Variants in PIP5KL1 observed in about 807,000 individuals in gnomAD.
PIP5KL1 encodes phosphatidylinositol-4-phosphate 5-kinase like 1.
Under a neutral mutation model 47.6 loss-of-function variants are expected in PIP5KL1, and 45 were observed. The ratio of observed to expected loss-of-function variants is 0.94; its 90% CI spans 0.74 to 1.21. The LOEUF is 1.21. PIP5KL1 is among the 50% of genes most tolerant of loss of function. The pLI, the probability that PIP5KL1 is intolerant of heterozygous loss-of-function variation, is 0.00. For synonymous variants in PIP5KL1, 256 were observed against 234.6 expected, an observed-to-expected ratio of 1.09 and a Z score of -0.84; for missense variants, 577 against 547.6, an observed-to-expected ratio of 1.05 and a Z score of -0.54.
intron 3 of PIP5KL1, 66 bp downstream of exon 3, chr9:127,928,367 G>A (rs1343300336): frequency 5.2e-6 from 8 of 1,550,722 alleles, no homozygotes; most frequent in Non-Finnish European, 6.1e-6. Context: ...GCACAGATGG[G>A]AAAACTGCAG....
At position 127,927,258 on chromosome 9, in the gene PIP5KL1, G is replaced by T. The variant is rs770666251; in HGVS notation, c.594+39C>A. 5.6e-6 allele frequency: 9 copies of T among 1,610,860 alleles called. No individual in the cohort carries two copies. Among genetic ancestry groups the T allele is most frequent in the Non-Finnish European group, 5.9e-6 (7 of 1,179,140 alleles). Reference sequence around the variant, plus strand: ...GGAGGCCGGCTGTCGCCCTCCAGCCGCCCGCTCCGCCCAGCCACCTCGCCT... The same window carrying T: ...GGAGGCCGGCTGTCGCCCTCCAGCCTCCCGCTCCGCCCAGCCACCTCGCCT... On this transcript the variant is annotated intron_variant, in intron 6 of 9. Coordinates refer to ENST00000388747, the MANE Select transcript of PIP5KL1 (RefSeq NM_001135219.2). This position sits in a 1 kb window ranked among gnomAD's most constrained non-coding sequence, Gnocchi z 5.5.
chr9:127,921,699 G>T lies in PIP5KL1; in HGVS notation c.*148C>A. The T allele has an allele frequency of 8.9e-7, 1 of 1,128,734 alleles. No homozygotes were observed. The highest frequency in any genetic ancestry group is 1.2e-6 in the Non-Finnish European group (1 of 820,360). 69.9% of individuals were successfully genotyped at this position (1,128,734 alleles called of 1,614,324 possible). Reference sequence around the variant, plus strand: ...GCTGGGCACGGCACCACCGTCAAACGGGACTGCGCGGTTACGGTATTAGTT... The same window carrying T: ...GCTGGGCACGGCACCACCGTCAAACTGGACTGCGCGGTTACGGTATTAGTT... On this transcript the variant is annotated 3_prime_UTR_variant, in exon 10 of 10. Coordinates refer to ENST00000388747, the MANE Select transcript of PIP5KL1 (RefSeq NM_001135219.2).
intron 8 of PIP5KL1, chr9:127,925,663 A>G: frequency 1.8e-6 from 1 of 565,658 alleles, no homozygotes; most frequent in Non-Finnish European, 3.2e-6. Flanking sequence ...ACAGAGTTTC[A>G]GCATCTTGGC....
chr9:127,926,046 C>G, intron 7 of PIP5KL1, 67 bp from the exon 8 acceptor site: 2 of 1,115,456 alleles, frequency 1.8e-6, no homozygotes, highest in Non-Finnish European at 2.6e-6. Context: ...ACAAGAGCTT[C>G]CAGTGACTAC....
rs755154527 is a variant in PIP5KL1, at chr9:127,929,516, C to G, written c.228+172G>C. ...CCTGAGTCAGGGGGTTCCTCACACCCCCAACGCACCCCAGACGTTCCAGCT... is the reference window on the plus strand; with the variant it reads ...CCTGAGTCAGGGGGTTCCTCACACCGCCAACGCACCCCAGACGTTCCAGCT... On this transcript the variant is annotated intron_variant, in intron 2 of 9. Coordinates refer to ENST00000388747, the MANE Select transcript of PIP5KL1 (RefSeq NM_001135219.2). The surrounding 1 kb of genome is among the most constrained non-coding windows in gnomAD (Gnocchi z 4.0). Among the ~76,000 whole-genome samples, 4 of 152,076 alleles carry G rather than the reference C, an allele frequency of 2.6e-5. No homozygotes were observed. The highest frequency in any genetic ancestry group is 5.9e-5 in the Non-Finnish European group (4 of 68,000).
In PIP5KL1 at chr9:127,927,151, A is replaced by G. The variant is rs1284605639; in HGVS notation, c.650+2T>C. Reference sequence around the variant, plus strand: ...GGGCCCAAACCTGCTTAGGCCACTCACCTCTCGGAGATGCGGCCGGCGGGG... The same window carrying G: ...GGGCCCAAACCTGCTTAGGCCACTCGCCTCTCGGAGATGCGGCCGGCGGGG... On this transcript the variant is annotated splice_donor_variant, in intron 7 of 9. Transcript: ENST00000388747. LOFTEE classifies it high-confidence loss of function. This position sits in a 1 kb window ranked among gnomAD's most constrained non-coding sequence, Gnocchi z 5.5. The G allele has an allele frequency of 6.2e-7, 1 of 1,608,300 alleles. No homozygotes were observed. The highest frequency in any genetic ancestry group is 1.7e-5 in the Admixed American group (1 of 59,648).
chr9:127,930,695 T>C, intron 1 of PIP5KL1, 28 bp downstream of exon 1: 1 of 1,557,926 alleles, frequency 6.4e-7, no homozygotes, highest in Non-Finnish European at 8.7e-7. Flanking sequence ...CCCTTCCCTC[T>C]CCTGTCCTCT....
Position 127,927,162 on chromosome 9 carries a change from A to G in PIP5KL1, c.641T>C (p.Ile214Thr). 1 of 1,611,206 alleles carries G rather than the reference A, an allele frequency of 6.2e-7. No homozygotes were observed. The highest frequency in any genetic ancestry group is 8.5e-7 in the Non-Finnish European group (1 of 1,178,392). The change falls in exon 7 of 10, where the codon ATC (isoleucine) becomes ACC (threonine). Residue 214 changes from isoleucine (I) to threonine (T), a missense_variant. Transcript: ENST00000388747. The surrounding 1 kb of genome is among the most constrained non-coding windows in gnomAD (Gnocchi z 5.5). Reference protein sequence around the residue: ...MQSVFYPAGRISERYDIKGCE... With the variant: ...MQSVFYPAGRTSERYDIKGCE... ...TGCTTAGGCCACTCACCTCTCGGAG[A>G]TGCGGCCGGCGGGGTAGAAGACGCT...
chr9:127,922,233 G>A, intron 9 of PIP5KL1, 119 bp from the exon 10 acceptor site: 8 of 1,276,508 alleles, frequency 6.3e-6, no homozygotes, highest in Non-Finnish European at 8.4e-6. Context: ...CCTCCTGTGT[G>A]CCCAGGTTTG....
intron 9 of PIP5KL1, among the ~76,000 whole-genome samples, chr9:127,924,849 C>T (rs981370702): frequency 1.3e-5 from 2 of 151,980 alleles, no homozygotes; most frequent in African/African-American, 4.8e-5. Flanking sequence ...GCCCTACCAG[C>T]CAGGCTTCTC....
At chr9:127,923,716 T>C (rs1831321805) in intron 9 of PIP5KL1, among the ~76,000 whole-genome samples, 1 of 152,246 alleles carries the variant, frequency 6.6e-6, no homozygotes, top group Admixed American at 6.5e-5. Flanking sequence ...GGGTGGCGGC[T>C]GGACCTCCTC....
rs1301324821 is a variant in PIP5KL1 at position 127,925,043 on chromosome 9, C to A, written c.917+64G>T. On this transcript the variant is annotated intron_variant, in intron 9 of 9. Coordinates refer to ENST00000388747, the MANE Select transcript of PIP5KL1 (RefSeq NM_001135219.2). ...CTGCTCCCGGTGCACTCCCATGCCC[C>A]CATGTCTGTCTTTCCCTTACTCTCA... The A allele has an allele frequency of 2.8e-5, 45 of 1,584,180 alleles. 1 individual carries two copies. In the Admixed American group the frequency reaches 7.7e-4, roughly 27 times the overall value.
Position 127,927,971 on chromosome 9 carries a change from C to T in PIP5KL1, c.434+94G>A. The T allele has an allele frequency of 6.9e-7, 1 of 1,448,676 alleles. No individual in the cohort carries two copies. Among genetic ancestry groups the T allele is most frequent in the Non-Finnish European group, 9.2e-7 (1 of 1,092,558 alleles). The allele number at this position is 1,448,676 out of a possible 1,614,324, so 89.7% of individuals were successfully genotyped here. ...CTCCCAGATTAGGGCCGCTCTGTTT[C>T]TCTCTTCAGGGGGCCTTCCCCGCCA... On this transcript the variant is annotated intron_variant, in intron 4 of 9. Transcript: ENST00000388747. This position sits in a 1 kb window ranked among gnomAD's most constrained non-coding sequence, Gnocchi z 5.5.
chr9:127,928,200 A>G lies in PIP5KL1; in HGVS notation c.299T>C (p.Leu100Pro), dbSNP rs748273607. ...QVHEGFELGT[L>P]AGPAFAWLRR... ...CAGCCAGGCAAAGGCGGGGCCGGCCAGCGTGCCCAGCTCGAAGCCCTGCAG... is the reference window on the plus strand; with the variant it reads ...CAGCCAGGCAAAGGCGGGGCCGGCCGGCGTGCCCAGCTCGAAGCCCTGCAG... The change falls in exon 4 of 10, where the codon CTG (leucine) becomes CCG (proline). Residue 100 changes from leucine to proline, a missense_variant. Transcript: ENST00000388747. 3 of 1,537,986 alleles carry G rather than the reference A, an allele frequency of 2.0e-6. No individual in the cohort carries two copies. Among genetic ancestry groups the G allele is most frequent in the East Asian group, 4.9e-5 (2 of 40,946 alleles).
rs1218982601 is a variant in PIP5KL1, at chr9:127,929,797, C to T, written c.119G>A (p.Arg40His). Residue 40 changes from arginine (R) to histidine (H), a missense_variant, in exon 2 of 10, where the codon CGC becomes CAC. Transcript: ENST00000388747. The surrounding 1 kb of genome is among the most constrained non-coding windows in gnomAD (Gnocchi z 4.0). Reference sequence around the variant, plus strand: ...CGGGCTGATCTCAAACAGGCCCAGGCGAGACTGCTTGTCTCGGAGGCGCCA... The same window carrying T: ...CGGGCTGATCTCAAACAGGCCCAGGTGAGACTGCTTGTCTCGGAGGCGCCA... ...LLWRLRDKQSRLGLFEISPGH... is the reference protein window; with the variant it reads ...LLWRLRDKQSHLGLFEISPGH... The T allele has an allele frequency of 8.4e-6, 13 of 1,556,194 alleles. No homozygotes were observed. Among genetic ancestry groups the T allele is most frequent in the Admixed American group, 1.9e-5 (1 of 51,644 alleles).
rs772564556 is a variant in PIP5KL1, at chr9:127,928,413, C to A, written c.279+20G>T. ...AAGACCAGCACACGTCCCTCCCACA[C>A]GGGAGTCTGGGCCTCCTACCTCGTG... On this transcript the variant is annotated intron_variant, in intron 3 of 9. Coordinates refer to ENST00000388747, the MANE Select transcript of PIP5KL1 (RefSeq NM_001135219.2). The A allele has an allele frequency of 3.1e-6, 5 of 1,593,326 alleles. No homozygotes were observed. The Admixed American group carries it at 8.7e-5, about 28-fold the overall frequency.
Position 127,927,018 on chromosome 9 carries a change from C to T in PIP5KL1, c.650+135G>A. 1.8e-6 allele frequency: 2 copies of T among 1,087,572 alleles called. No homozygotes were observed. Among genetic ancestry groups the T allele is most frequent in the Non-Finnish European group, 2.6e-6 (2 of 767,768 alleles). 67.4% of individuals were successfully genotyped at this position (1,087,572 alleles called of 1,614,324 possible). On this transcript the variant is annotated intron_variant, in intron 7 of 9. Coordinates refer to ENST00000388747, the MANE Select transcript of PIP5KL1 (RefSeq NM_001135219.2). The surrounding 1 kb of genome is among the most constrained non-coding windows in gnomAD (Gnocchi z 5.5). The stretch of plus-strand genomic sequence containing the variant: ...AGATGCTGGGTGTGGGCGTCACTGT[C>T]TCTGACCCACCAGATCTTGGGAACG...
In PIP5KL1 at chr9:127,928,127, GC is replaced by G; in HGVS notation, c.371del (p.Gly124AlafsTer29). Reference protein sequence around the residue: ...LAEEDYQAALGPGGPYLQFLS... With the variant: ...LAEEDYQAALXPGGPYLQFLS... ...GGAACTGCAGGTAGGGGCCGCCGGGGCCCAGGGCAGCCTGATAGTCCTCCTC... is the reference window on the plus strand; with the variant it reads ...GGAACTGCAGGTAGGGGCCGCCGGGGCCAGGGCAGCCTGATAGTCCTCCTC... On this transcript the variant is annotated frameshift_variant, in exon 4 of 10. Transcript: ENST00000388747. LOFTEE classifies it high-confidence loss of function. 6.4e-7 allele frequency: 1 copy of G among 1,556,382 alleles called. No homozygotes were observed. The highest frequency in any genetic ancestry group is 8.7e-7 in the Non-Finnish European group (1 of 1,152,202).
intron 7 of PIP5KL1, 31 bp from the exon 8 acceptor site, chr9:127,926,010 T>C (rs901289152): frequency 1.3e-6 from 2 of 1,510,184 alleles, no homozygotes; most frequent in Non-Finnish European, 9.1e-7. Flanking sequence ...CAGCTTTACA[T>C]AGATTTGAGA....
Sources: gnomAD v4.1 joint callset for allele counts (sites outside exome capture counted in the v4.1 genomes callset) on GRCh38, gnomAD v4.1.1 for gene constraint, Gnocchi (gnomAD v3.1) non-coding constraint, MANE v1.5 for transcripts, NCBI Gene and HGNC (gene_info 2026-07-23, HGNC 2026-07-21) for gene names.